FGF10: variants seen among roughly 807,000 people sequenced by gnomAD.
FGF10 encodes the protein fibroblast growth factor 10, also known as FGF-10.
A neutral mutation model predicts 19.8 loss-of-function variants in FGF10; 2 were observed. The ratio of observed to expected loss-of-function variants is 0.10; its 90% CI spans 0.04 to 0.32. The LOEUF is 0.32. Among genes scored for constraint, FGF10 ranks in the 10% least tolerant of loss-of-function variants. The pLI, the probability that FGF10 is intolerant of heterozygous loss-of-function variation, is 1.00. For synonymous variants in FGF10, 112 were observed against 94.0 expected (o/e 1.19, Z -1.10); for missense variants, 191 against 246.3 (o/e 0.78, Z 1.50).
At chr5:44,356,659 G>A (rs1207022391) in intron 1 of FGF10, among the ~76,000 whole-genome samples, 3 of 151,406 alleles carry the variant, frequency 2.0e-5, no homozygotes, top group Non-Finnish European at 4.4e-5. Context: ...TTCAATATAA[G>A]AATATTGTAC....
chr5:44,317,781 T>C (rs918808621), intron 1 of FGF10, among the ~76,000 whole-genome samples: 2 of 152,112 alleles, frequency 1.3e-5, no homozygotes, highest in Admixed American at 1.3e-4. Context: ...TTTAACATTA[T>C]GGAAATATTT....
In FGF10 at chr5:44,386,716, T is replaced by C. The variant is rs17233931; in HGVS notation, c.325+1642A>G. Among the ~76,000 whole-genome samples the C allele has an allele frequency of 8.3e-3, 1,259 of 152,286 alleles. 21 individuals carry two copies. The highest frequency in any genetic ancestry group is 0.028 in the African/African-American group (1,159 of 41,560). The stretch of plus-strand genomic sequence containing the variant: ...TACTTAATATCTTTAGTATGAAACA[T>C]AAAATGAAACACTTTAAAAGCACCT... On this transcript the variant is annotated intron_variant, in intron 1 of 2. Transcript: ENST00000264664.
chr5:44,388,648 G>A lies in FGF10; in HGVS notation c.35C>T (p.Ala12Val). 6.2e-7 allele frequency: 1 copy of A among 1,614,092 alleles called. No homozygotes were observed. Among genetic ancestry groups the A allele is most frequent in the Non-Finnish European group, 8.5e-7 (1 of 1,180,034 alleles). ...WKWILTHCASAFPHLPGCCCC... is the reference protein window; with the variant it reads ...WKWILTHCASVFPHLPGCCCC... The stretch of plus-strand genomic sequence containing the variant: ...GCAGCAGCCGGGCAGGTGGGGAAAG[G>A]CTGAGGCACAATGTGTCAGTATCCA... Residue 12 changes from alanine to valine, a missense_variant, in exon 1 of 3, where the codon GCC (alanine) becomes GTC (valine). Ala to Val is a moderately conservative substitution (Grantham distance 64). This residue lies in a region of FGF10 where 92 missense variants were observed against 84.6 expected (regional missense o/e 1.09). Coordinates refer to ENST00000264664, the MANE Select transcript of FGF10 (RefSeq NM_004465.2).
Position 44,301,383 on chromosome 5 carries a change from C to T in FGF10, c.*3612G>A, listed in dbSNP as rs1561193664. Among the ~76,000 whole-genome samples, 1 of 152,160 alleles carries T rather than the reference C, an allele frequency of 6.6e-6. No individual in the cohort carries two copies. The highest frequency in any genetic ancestry group is 1.5e-5 in the Non-Finnish European group (1 of 68,016). On this transcript the variant is annotated 3_prime_UTR_variant, in exon 3 of 3. Transcript: ENST00000264664. Reference sequence around the variant, plus strand: ...ATTGGCAGCATCCAAATTATTAGAACTGTGCAGCATTAATGCTGATCTATG... The same window carrying T: ...ATTGGCAGCATCCAAATTATTAGAATTGTGCAGCATTAATGCTGATCTATG...
At chr5:44,342,672 A>C (rs1740996663) in intron 1 of FGF10, among the ~76,000 whole-genome samples, 1 of 151,882 alleles carries the variant, frequency 6.6e-6, no homozygotes, top group Admixed American at 6.6e-5. Flanking sequence ...CCTTGCCCAC[A>C]CTAAAGTTCA....
rs530414985 is a variant in FGF10 at position 44,356,828 on chromosome 5, T to G, written c.325+31530A>C. ...AGGTGTCTAGGATGGTTTTAGTTGT[T>G]AGGAAGGGCAAGGCAGCCTTATCAA... On this transcript the variant is annotated intron_variant, in intron 1 of 2. Transcript: ENST00000264664. Among the ~76,000 whole-genome samples, 7 of 151,394 alleles carry G rather than the reference T, an allele frequency of 4.6e-5. No individual in the cohort carries two copies. In the South Asian group the frequency reaches 1.2e-3, roughly 27 times the overall value.
chr5:44,328,412 A>G lies in FGF10; in HGVS notation c.326-17882T>C, dbSNP rs140075538. On this transcript the variant is annotated intron_variant, in intron 1 of 2. Transcript: ENST00000264664. ...CTTAACCCTTACAATTATCTTATCT[A>G]TGAGATCTTAACCCATACTGACAAT... Among the ~76,000 whole-genome samples the G allele has an allele frequency of 2.1e-4, 32 of 152,272 alleles. No homozygotes were observed. The East Asian group carries it at 4.8e-3, about 23-fold the overall frequency.
chr5:44,328,203 C>T (rs1334035345), intron 1 of FGF10, among the ~76,000 whole-genome samples: 1 of 152,134 alleles, frequency 6.6e-6, no homozygotes, highest in African/African-American at 2.4e-5. Context: ...CCCTTGCTGG[C>T]TAACTACTAA....
At position 44,333,969 on chromosome 5, in the gene FGF10, A is replaced by G. The variant is rs72763185; in HGVS notation, c.326-23439T>C. Among the ~76,000 whole-genome samples, 673 of 152,142 alleles carry G rather than the reference A, an allele frequency of 4.4e-3. 4 individuals carry two copies. Among genetic ancestry groups the G allele is most frequent in the Non-Finnish European group, 8.1e-3 (550 of 68,002 alleles). On this transcript the variant is annotated intron_variant, in intron 1 of 2. Transcript: ENST00000264664. Reference sequence around the variant, plus strand: ...ACTCTACCCCTTCAGCGTAGCTTTCATCCTCTTCAGTAGATTAAATCTTCT... The same window carrying G: ...ACTCTACCCCTTCAGCGTAGCTTTCGTCCTCTTCAGTAGATTAAATCTTCT...
chr5:44,317,915 A>C (rs1740386805), intron 1 of FGF10, among the ~76,000 whole-genome samples: 1 of 152,166 alleles, frequency 6.6e-6, no homozygotes, highest in South Asian at 2.1e-4. Context: ...ATGGATTTGT[A>C]ATTCTTGAGA....
intron 1 of FGF10, among the ~76,000 whole-genome samples, chr5:44,322,642 G>A (rs1015767440): frequency 2.1e-4 from 32 of 152,196 alleles, no homozygotes; most frequent in South Asian, 4.2e-4. Flanking sequence ...CTGGATTAAA[G>A]TCAAGGCAGA....
intron 1 of FGF10, among the ~76,000 whole-genome samples, chr5:44,378,570 CA>C (rs1465098275): frequency 1.8e-4 from 27 of 152,052 alleles, no homozygotes; most frequent in African/African-American, 6.5e-4. Flanking sequence ...TAGCTGGGAC[CA>C]CAGGCGCCCG....
chr5:44,378,407 T>C (rs1229015828), intron 1 of FGF10, among the ~76,000 whole-genome samples: 1 of 152,210 alleles, frequency 6.6e-6, no homozygotes. Flanking sequence ...CAGAACAGTA[T>C]GAATATTACA....
rs17234352 is a variant in FGF10, at chr5:44,328,266, CA to C, written c.326-17737del. Among the ~76,000 whole-genome samples, 526 of 152,184 alleles carry C rather than the reference CA, an allele frequency of 3.5e-3. 7 individuals are homozygous for C. The East Asian group carries it at 0.066, about 19-fold the overall frequency. On this transcript the variant is annotated intron_variant, in intron 1 of 2. Coordinates refer to ENST00000264664, the MANE Select transcript of FGF10 (RefSeq NM_004465.2). ...GATATTTTTGCCTTTGAAACTGAAG[CA>C]AAATGGTGACACAAATTCTTTAGGT...
At chr5:44,321,452 A>G (rs927177276) in intron 1 of FGF10, among the ~76,000 whole-genome samples, 3 of 152,232 alleles carry the variant, frequency 2.0e-5, no homozygotes, top group African/African-American at 7.2e-5. Flanking sequence ...CTGCATAAAC[A>G]TTCAAGTCTT....
Position 44,328,198 on chromosome 5 carries a change from G to T in FGF10, c.326-17668C>A, listed in dbSNP as rs528686442. Among the ~76,000 whole-genome samples the T allele has an allele frequency of 5.9e-5, 9 of 152,226 alleles. No homozygotes were observed. The South Asian group carries it at 1.7e-3, about 28-fold the overall frequency. On this transcript the variant is annotated intron_variant, in intron 1 of 2. Transcript: ENST00000264664. ...AGTTTTCTTTTGTTCAGTTGCCCTT[G>T]CTGGCTAACTACTAAACAACGTAAT...
chr5:44,377,909 A>C (rs1293066641), intron 1 of FGF10, among the ~76,000 whole-genome samples: 1 of 152,218 alleles, frequency 6.6e-6, no homozygotes, highest in African/African-American at 2.4e-5. Context: ...GAAAGCAAAG[A>C]TGTCACTATC....
intron 1 of FGF10, among the ~76,000 whole-genome samples, chr5:44,347,731 A>T (rs974977772): frequency 6.6e-6 from 1 of 151,686 alleles, no homozygotes; most frequent in Non-Finnish European, 1.5e-5. Flanking sequence ...AGCACAAAAT[A>T]AGTGCTCAAT....
chr5:44,374,353 T>C (rs1158002337), intron 1 of FGF10, among the ~76,000 whole-genome samples: 3 of 152,106 alleles, frequency 2.0e-5, no homozygotes, highest in Non-Finnish European at 2.9e-5. Context: ...CTTGATCACA[T>C]TTGCAAAAAC....
Sources: gnomAD v4.1 joint callset for allele counts (sites outside exome capture counted in the v4.1 genomes callset) on GRCh38, gnomAD v4.1.1 for gene constraint, gnomAD v4.1.1 regional missense constraint, MANE v1.5 for transcripts, NCBI Gene and HGNC (gene_info 2026-07-23, HGNC 2026-07-21) for gene names.